Variants in PDE2A observed in about 807,000 individuals in gnomAD.
PDE2A encodes phosphodiesterase 2A.
A neutral mutation model predicts 133.6 loss-of-function variants in PDE2A; 53 were observed. The ratio of observed to expected loss-of-function variants is 0.40; its 90% confidence interval spans 0.32 to 0.50. The LOEUF (loss-of-function observed/expected upper bound fraction) is 0.50. Ranked by LOEUF, PDE2A falls within the 20% of genes least tolerant of loss-of-function variation. PDE2A has a pLI of 0.73. For missense variants in PDE2A, 796 were observed against 1,232.4 expected, an observed-to-expected ratio of 0.65 and a Z score of 5.30; for synonymous variants, 491 against 490.2, an observed-to-expected ratio of 1.00 and a Z score of -0.02.
intron 2 of PDE2A, among the ~76,000 whole-genome samples, chr11:72,621,145 C>G (rs35374828): frequency 0.012 from 1,825 of 152,246 alleles, 24 homozygotes; most frequent in Middle Eastern, 0.044. Flanking sequence ...CTAGACAGGG[C>G]TGTCTGACAC....
At position 72,590,472 on chromosome 11, in the gene PDE2A, CG is replaced by C; in HGVS notation, c.657del (p.Ala221ArgfsTer72). ...PPEGTAEDQK[G>X]GAAYTDRDRK... is the part of the protein sequence containing the mutation. ...CGGTCGCGGTCGGTGTACGCCGCCC[CG>C]CCCTTCTGGTCTTCCGCCGTCCCCT... On this transcript the variant is annotated frameshift_variant, in exon 8 of 31. Coordinates refer to ENST00000334456, the MANE Select transcript of PDE2A (RefSeq NM_002599.5). LOFTEE classifies it high-confidence loss of function. The surrounding 1 kb of genome is among the most constrained non-coding windows in gnomAD (Gnocchi z 4.8). 6.5e-7 allele frequency: 1 copy of C among 1,540,204 alleles called. No homozygotes were observed. Among genetic ancestry groups the C allele is most frequent in the Non-Finnish European group, 8.7e-7 (1 of 1,146,312 alleles).
chr11:72,584,173 C>A, intron 19 of PDE2A, 28 bp downstream of exon 19: 1 of 1,131,204 alleles, frequency 8.8e-7, no homozygotes, highest in Non-Finnish European at 1.3e-6. Flanking sequence ...CCTATCACCC[C>A]ACACCCCACT....
At chr11:72,598,645 C>G in intron 4 of PDE2A, 1 of 1,289,046 alleles carries the variant, frequency 7.8e-7, no homozygotes, top group Middle Eastern at 2.1e-4. Flanking sequence ...TGTGTGCATA[C>G]AGGGTCACTA....
At chr11:72,642,612 C>T (rs1173354144) in intron 1 of PDE2A, among the ~76,000 whole-genome samples, 1 of 151,976 alleles carries the variant, frequency 6.6e-6, no homozygotes, top group Non-Finnish European at 1.5e-5. Context: ...GCTTCTGTCT[C>T]GCCCTGGGTT....
At chr11:72,656,688 T>C (rs1287858838) in intron 1 of PDE2A, among the ~76,000 whole-genome samples, 1 of 151,944 alleles carries the variant, frequency 6.6e-6, no homozygotes, top group Non-Finnish European at 1.5e-5. Context: ...CTCGCCTTTC[T>C]CGGAGGTAGT....
At chr11:72,598,957 C>CAGG (rs1856609567) in intron 4 of PDE2A, 5 of 985,244 alleles carry the variant, frequency 5.1e-6, no homozygotes, top group Middle Eastern at 1.0e-3. Flanking sequence ...AGGAGAGGGA[C>CAGG]GTAGGGTGGC....
At chr11:72,660,681 A>G (rs1404299728) in intron 1 of PDE2A, among the ~76,000 whole-genome samples, 1 of 152,152 alleles carries the variant, frequency 6.6e-6, no homozygotes, top group African/African-American at 2.4e-5. Flanking sequence ...ACAGTCCTCA[A>G]GGCTTGTGCT....
chr11:72,589,048 G>T, intron 12 of PDE2A, 127 bp downstream of exon 12: 1 of 1,232,206 alleles, frequency 8.1e-7, no homozygotes, highest in Non-Finnish European at 1.2e-6. Context: ...CATGGAGATG[G>T]GACAGTAGAA....
At chr11:72,593,237 C>A (rs1364397896) in intron 6 of PDE2A, among the ~76,000 whole-genome samples, 1 of 152,082 alleles carries the variant, frequency 6.6e-6, no homozygotes, top group Non-Finnish European at 1.5e-5. Context: ...CACACACCCA[C>A]CCTTACAGTG....
chr11:72,591,004 T>G (rs1408600645), intron 7 of PDE2A: 1 of 438,958 alleles, frequency 2.3e-6, no homozygotes, highest in African/African-American at 2.0e-5. Flanking sequence ...TGCTTCCCCA[T>G]AAATCCATCA....
At position 72,639,042 on chromosome 11, in the gene PDE2A, T is replaced by C. The variant is rs867931006; in HGVS notation, c.144+3212A>G. ...CACTGCGGCATCGACCCCAGCCCCTTCCCTGACTGACTCAGACTTCTCTAA... is the reference window on the plus strand; with the variant it reads ...CACTGCGGCATCGACCCCAGCCCCTCCCCTGACTGACTCAGACTTCTCTAA... On this transcript the variant is annotated intron_variant, in intron 2 of 30. Coordinates refer to ENST00000334456, the MANE Select transcript of PDE2A (RefSeq NM_002599.5). Among the ~76,000 whole-genome samples the C allele has an allele frequency of 3.9e-5, 6 of 152,320 alleles. No homozygotes were observed. The Middle Eastern group carries it at 0.01, about 259-fold the overall frequency.
chr11:72,662,097 T>C (rs1855083874), intron 1 of PDE2A, among the ~76,000 whole-genome samples: 2 of 152,330 alleles, frequency 1.3e-5, no homozygotes, highest in African/African-American at 4.8e-5. Context: ...GTGTGTTGTA[T>C]GTTTGTGGCC....
rs1856194032 is a variant in PDE2A, at chr11:72,590,493, T to C, written c.637A>G (p.Thr213Ala). 1.3e-6 allele frequency: 2 copies of C among 1,519,522 alleles called. No homozygotes were observed. Among genetic ancestry groups the C allele is most frequent in the Non-Finnish European group, 1.8e-6 (2 of 1,138,082 alleles). 94.1% of individuals were successfully genotyped at this position (1,519,522 alleles called of 1,614,324 possible). A position where few individuals can be genotyped will look rare whatever the true frequency, so the allele number is the denominator to read the frequency against. ...GCCCCGCCCTTCTGGTCTTCCGCCG[T>C]CCCCTCCGGGGGGTTCTGGACGGCT... is the stretch of plus-strand genomic sequence containing the variant. ...PRAVQNPPEG[T>A]AEDQKGGAAY... The change falls in exon 8 of 31, where the codon ACG becomes GCG. Residue 213 changes from threonine (T) to alanine (A), a missense_variant. By Grantham distance (58) the Thr-to-Ala change is moderately conservative. Coordinates refer to ENST00000334456, the MANE Select transcript of PDE2A (RefSeq NM_002599.5). This position sits in a 1 kb window ranked among gnomAD's most constrained non-coding sequence, Gnocchi z 4.8.
Position 72,593,202 on chromosome 11 carries a change from G to A in PDE2A, c.490-1846C>T, listed in dbSNP as rs1856330753. On this transcript the variant is annotated intron_variant, in intron 6 of 30. Coordinates refer to ENST00000334456, the MANE Select transcript of PDE2A (RefSeq NM_002599.5). Reference sequence around the variant, plus strand: ...TGGTACACACACACACACACACACGGTGCAGTCACAGACACAAAGACATCC... The same window carrying A: ...TGGTACACACACACACACACACACGATGCAGTCACAGACACAAAGACATCC... 3.7e-5 allele frequency among the ~76,000 whole-genome samples: 4 copies of A among 109,536 alleles called. No homozygotes were observed. The South Asian group carries it at 9.1e-4, about 25-fold the overall frequency. The allele number at this position is 109,536 out of a possible 152,430, so 71.9% of individuals were successfully genotyped here. A position where few individuals can be genotyped will look rare whatever the true frequency, so the allele number is the denominator to read the frequency against.
In PDE2A at chr11:72,616,533, G is replaced by A. The variant is rs1444141608; in HGVS notation, c.145-7782C>T. Among the ~76,000 whole-genome samples, 3 of 152,240 alleles carry A rather than the reference G, an allele frequency of 2.0e-5. No homozygotes were observed. The East Asian group carries it at 5.8e-4, about 29-fold the overall frequency. ...AAACTCCTGTGTGCCCAGGACTACT[G>A]TACTGTGAGGGCTACATGCCATCAG... is the stretch of plus-strand genomic sequence containing the variant. On this transcript the variant is annotated intron_variant, in intron 2 of 30. Coordinates refer to ENST00000334456, the MANE Select transcript of PDE2A (RefSeq NM_002599.5).
chr11:72,648,808 C>G (rs1241504528), intron 1 of PDE2A, among the ~76,000 whole-genome samples: 3 of 152,156 alleles, frequency 2.0e-5, no homozygotes, highest in African/African-American at 7.2e-5. Flanking sequence ...ACATACACCC[C>G]TATGCACAAT....
At chr11:72,655,213 C>G (rs1854860634) in intron 1 of PDE2A, among the ~76,000 whole-genome samples, 1 of 152,230 alleles carries the variant, frequency 6.6e-6, no homozygotes, top group South Asian at 2.1e-4. Flanking sequence ...GCGCCACACT[C>G]CCCTGGGCCC....
At position 72,590,721 on chromosome 11, in the gene PDE2A, T is replaced by C. The variant is rs1360031447; in HGVS notation, c.550-141A>G. ...GCCGCCGTCCCAAACACCTCATCCCTGGACTCTACCTTCCTGAGGGCTCCC... is the reference window on the plus strand; with the variant it reads ...GCCGCCGTCCCAAACACCTCATCCCCGGACTCTACCTTCCTGAGGGCTCCC... On this transcript the variant is annotated intron_variant, in intron 7 of 30. Coordinates refer to ENST00000334456, the MANE Select transcript of PDE2A (RefSeq NM_002599.5). The surrounding 1 kb of genome is among the most constrained non-coding windows in gnomAD (Gnocchi z 4.8). The C allele has an allele frequency of 6.5e-6, 5 of 764,362 alleles. No individual in the cohort carries two copies. The highest frequency in any genetic ancestry group is 1.9e-6 in the Non-Finnish European group (1 of 529,588). The allele number at this position is 764,362 out of a possible 1,614,324, so 47.3% of individuals were successfully genotyped here. A position where few individuals can be genotyped will look rare whatever the true frequency, so the allele number is the denominator to read the frequency against.
intron 1 of PDE2A, chr11:72,658,051 C>T (rs1591136592): frequency 4.4e-6 from 2 of 456,248 alleles, no homozygotes; most frequent in South Asian, 3.1e-5. Flanking sequence ...TAAAATGTAA[C>T]TCATTTAATC....
Sources: gnomAD v4.1 joint callset for allele counts (sites outside exome capture counted in the v4.1 genomes callset) on GRCh38, gnomAD v4.1.1 for gene constraint, Gnocchi (gnomAD v3.1) non-coding constraint, MANE v1.5 for transcripts, NCBI Gene and HGNC (gene_info 2026-07-23, HGNC 2026-07-21) for gene names.